BRICD5: variants seen among roughly 807,000 people sequenced by gnomAD.
The protein encoded by BRICD5 is BRICHOS domain containing 5.
BRICD5 carries 51 observed loss-of-function variants against 28.4 expected under a neutral mutation model. That is an observed-to-expected ratio of 1.80 (90% CI 1.43 to 2.27). The LOEUF (loss-of-function observed/expected upper bound fraction) is 2.27. BRICD5 is among the 30% of genes most tolerant of loss of function. The pLI, the probability that BRICD5 is intolerant of heterozygous loss-of-function variation, is 0.00. For synonymous variants in BRICD5, 177 were observed against 130.2 expected, an observed-to-expected ratio of 1.36 and a Z score of -2.44; for missense variants, 456 against 309.6, an observed-to-expected ratio of 1.47 and a Z score of -3.55.
intron 2 of BRICD5, 109 bp from the exon 3 acceptor site, chr16:2,210,390 G>C: frequency 6.5e-7 from 1 of 1,533,112 alleles, no homozygotes; most frequent in Non-Finnish European, 8.8e-7. Flanking sequence ...TCCACCCCTT[G>C]GTCCTCTGGC....
rs762967847 is a variant in BRICD5 at position 2,210,066 on chromosome 16, G to A, written c.337-15C>T. 3 of 1,600,340 alleles carry A rather than the reference G, an allele frequency of 1.9e-6. No individual in the cohort carries two copies. Among genetic ancestry groups the A allele is most frequent in the Non-Finnish European group, 1.7e-6 (2 of 1,173,656 alleles). ...CAGATGCAGCCCTGGGGAGGCAGGG[G>A]GGTGAGGCGGGGCCCCCCAGACCGA... On this transcript the variant is annotated splice_polypyrimidine_tract_variant and intron_variant, in intron 3 of 5. Coordinates refer to ENST00000328540, the MANE Select transcript of BRICD5 (RefSeq NM_182563.4).
At position 2,209,669 on chromosome 16, in the gene BRICD5, T is replaced by A; in HGVS notation, c.476A>T (p.His159Leu). ...EAWVPSQDTH[H>L]TQELLAVQGS... ...CTGCACTGCCAGCAGCTCCTGGGTG[T>A]GGTGGGTGTCCTGGCTGGGGACCCA... Residue 159 changes from histidine to leucine, a missense_variant, in exon 5 of 6, where the codon CAC (histidine) becomes CTC (leucine). His to Leu is a moderately conservative substitution (Grantham distance 99). Transcript: ENST00000328540. The A allele has an allele frequency of 6.2e-7, 1 of 1,613,080 alleles. No individual in the cohort carries two copies. Among genetic ancestry groups the A allele is most frequent in the Non-Finnish European group, 8.5e-7 (1 of 1,179,672 alleles).
In BRICD5 at chr16:2,209,338, G is replaced by A; in HGVS notation, c.*24C>T. 2 of 1,599,198 alleles carry A rather than the reference G, an allele frequency of 1.3e-6. No homozygotes were observed. Among genetic ancestry groups the A allele is most frequent in the South Asian group, 2.2e-5 (2 of 90,014 alleles). On this transcript the variant is annotated 3_prime_UTR_variant, in exon 6 of 6. Coordinates refer to ENST00000328540, the MANE Select transcript of BRICD5 (RefSeq NM_182563.4). ...GGCCAGCCCACTGGATTGGGGACGG[G>A]CCAGGCTGGGCCAGGTCGGGGGCTC...
In BRICD5 at chr16:2,209,925, G is replaced by T. The variant is rs749724530; in HGVS notation, c.438+25C>A. On this transcript the variant is annotated intron_variant, in intron 4 of 5. Coordinates refer to ENST00000328540, the MANE Select transcript of BRICD5 (RefSeq NM_182563.4). ...ACCCTTTGTCTAGCCCCTGGCCCGG[G>T]CCTGCGCCCAGCAGGACGGCTCACC... 4.0e-6 allele frequency: 6 copies of T among 1,494,190 alleles called. No individual in the cohort carries two copies. In the Middle Eastern group the frequency reaches 7.3e-4, roughly 182 times the overall value. 92.6% of individuals were successfully genotyped at this position (1,494,190 alleles called of 1,614,324 possible).
chr16:2,209,845 T>G, intron 4 of BRICD5, 105 bp downstream of exon 4: 1 of 1,385,946 alleles, frequency 7.2e-7, no homozygotes, highest in South Asian at 1.4e-5. Flanking sequence ...CGGAGAGAGC[T>G]TCCTGTTCCC....
chr16:2,210,151 C>G lies in BRICD5; in HGVS notation c.311G>C (p.Trp104Ser), dbSNP rs542599330. The change falls in exon 3 of 6, where the codon TGG becomes TCG. Residue 104 changes from tryptophan (W) to serine (S), a missense_variant. Physicochemically the swap from Trp to Ser is radical, Grantham distance 177. Transcript: ENST00000328540. ...GCTCTGCCCGTCGAACAGCACCGCC[C>G]AGCTGTGGTTGCTCTGAGGTGGGGT... ...TVTPPQSNHSWAVLFDGQSGC... is the reference protein window; with the variant it reads ...TVTPPQSNHSSAVLFDGQSGC... 7.1e-5 allele frequency: 115 copies of G among 1,609,056 alleles called. 1 individual carries two copies. The highest frequency in any genetic ancestry group is 9.0e-5 in the Non-Finnish European group (106 of 1,178,734).
chr16:2,209,838 A>T, intron 4 of BRICD5, 112 bp downstream of exon 4: 1 of 1,386,654 alleles, frequency 7.2e-7, no homozygotes, highest in Non-Finnish European at 9.7e-7. Flanking sequence ...CTTAGGGCGG[A>T]GAGAGCTTCC....
Position 2,210,625 on chromosome 16 carries a change from C to A in BRICD5, c.77G>T (p.Gly26Val). 1 of 1,611,832 alleles carries A rather than the reference C, an allele frequency of 6.2e-7. No individual in the cohort carries two copies. Among genetic ancestry groups the A allele is most frequent in the Non-Finnish European group, 8.5e-7 (1 of 1,179,180 alleles). Reference sequence around the variant, plus strand: ...CAGGAGCAGGCTCACGGCTCTCCAGCCCCCGCAGGAGGGCTTGGTCTTCAC... The same window carrying A: ...CAGGAGCAGGCTCACGGCTCTCCAGACCCCGCAGGAGGGCTTGGTCTTCAC... ...TGVKTKPSCG[G>V]WRAVSLLLLL... The change falls in exon 2 of 6, where the codon GGC becomes GTC. Residue 26 changes from glycine (G) to valine (V), a missense_variant. Physicochemically the swap from Gly to Val is moderately radical, Grantham distance 109. Coordinates refer to ENST00000328540, the MANE Select transcript of BRICD5 (RefSeq NM_182563.4).
Position 2,210,807 on chromosome 16 carries a change from C to G in BRICD5, c.27G>C (p.Glu9Asp), listed in dbSNP as rs1567286095. 6.2e-7 allele frequency: 1 copy of G among 1,604,660 alleles called. No homozygotes were observed. Among genetic ancestry groups the G allele is most frequent in the Non-Finnish European group, 8.5e-7 (1 of 1,179,938 alleles). ...CCCCTGTAGGCCCAGGTTTGGGGCG[C>G]TCAGCACAGCAGCTTGCTGGTTCCA... MEPASCCA[E>D]RPKPGPTGVK... is the part of the protein sequence containing the mutation. Residue 9 changes from glutamate (E) to aspartate (D), a missense_variant, in exon 1 of 6, where the codon GAG becomes GAC. Glu to Asp is a conservative substitution (Grantham distance 45). Coordinates refer to ENST00000328540, the MANE Select transcript of BRICD5 (RefSeq NM_182563.4).
Position 2,209,318 on chromosome 16 carries a change from G to T in BRICD5, c.*44C>A. 1 of 1,568,942 alleles carries T rather than the reference G, an allele frequency of 6.4e-7. No individual in the cohort carries two copies. The highest frequency in any genetic ancestry group is 8.7e-7 in the Non-Finnish European group (1 of 1,145,100). On this transcript the variant is annotated 3_prime_UTR_variant, in exon 6 of 6. Transcript: ENST00000328540. ...CTCCCTGGTGCAGGTGGCCTGGCCA[G>T]CCCACTGGATTGGGGACGGGCCAGG...
At chr16:2,210,719 G>C (rs2141399658) in intron 1 of BRICD5, 64 bp downstream of exon 1, 2 of 1,609,970 alleles carry the variant, frequency 1.2e-6, no homozygotes, top group South Asian at 1.1e-5. Flanking sequence ...CTGGGGAAGG[G>C]AGGGGCTGGG....
Position 2,210,506 on chromosome 16 carries a change from C to T in BRICD5, c.180+16G>A, listed in dbSNP as rs371069540. On this transcript the variant is annotated intron_variant, in intron 2 of 5. Transcript: ENST00000328540. ...CTTTCCACTGTCCATGTCCCTGGTG[C>T]TGAGGAGGGGCTCACCTTGGGAGGG... The T allele has an allele frequency of 5.6e-5, 90 of 1,593,986 alleles. No homozygotes were observed. The highest frequency in any genetic ancestry group is 6.7e-5 in the Non-Finnish European group (78 of 1,169,382).
chr16:2,209,575 G>A lies in BRICD5; in HGVS notation c.570C>T (p.Ile190=), dbSNP rs1281174880. 6.2e-7 allele frequency: 1 copy of A among 1,612,140 alleles called. No individual in the cohort carries two copies. Among genetic ancestry groups the A allele is most frequent in the Admixed American group, 1.7e-5 (1 of 60,036 alleles). ...CACCCTCTGCTCGCCGGGCCCAGTA[G>A]ATGGGGGTCCTCATGCACAGGCGCT... is the stretch of plus-strand genomic sequence containing the variant. ...LVQRLCMRTP[I]YWARRAEGPR... The change falls in exon 5 of 6, where the codon ATC becomes ATT. Residue 190 remains isoleucine, a synonymous_variant. Coordinates refer to ENST00000328540, the MANE Select transcript of BRICD5 (RefSeq NM_182563.4).
intron 1 of BRICD5, 28 bp from the exon 2 acceptor site, chr16:2,210,678 C>A: frequency 6.2e-7 from 1 of 1,610,686 alleles, no homozygotes; most frequent in Non-Finnish European, 8.5e-7. Context: ...TCAGAAGGGT[C>A]ATGAGGGTTA....
rs758240015 is a variant in BRICD5, at chr16:2,210,237, C to T, written c.225G>A (p.Met75Ile). 3 of 1,561,462 alleles carry T rather than the reference C, an allele frequency of 1.9e-6. No homozygotes were observed. Among genetic ancestry groups the T allele is most frequent in the Non-Finnish European group, 2.6e-6 (3 of 1,156,188 alleles). Residue 75 changes from methionine to isoleucine, a missense_variant, in exon 3 of 6, where the codon ATG becomes ATA. Physicochemically the swap from Met to Ile is conservative, Grantham distance 10 (BLOSUM62 1). Transcript: ENST00000328540. ...TLRMTLPSPHMPRPNQTILVD... is the reference protein window; with the variant it reads ...TLRMTLPSPHIPRPNQTILVD... ...CCAGGATGGTTTGGTTGGGCCGGGG[C>T]ATGTGGGGGCTCGGGAGGGTCATTC...
At position 2,209,582 on chromosome 16, in the gene BRICD5, G is replaced by T. The variant is rs763709751; in HGVS notation, c.563C>A (p.Thr188Asn). 1.9e-6 allele frequency: 3 copies of T among 1,612,070 alleles called. No individual in the cohort carries two copies. Among genetic ancestry groups the T allele is most frequent in the Non-Finnish European group, 1.7e-6 (2 of 1,179,990 alleles). The change falls in exon 5 of 6, where the codon ACC becomes AAC. Residue 188 changes from threonine (T) to asparagine (N), a missense_variant. Physicochemically the swap from Thr to Asn is moderately conservative, Grantham distance 65 (BLOSUM62 0). Coordinates refer to ENST00000328540, the MANE Select transcript of BRICD5 (RefSeq NM_182563.4). Reference protein sequence around the residue: ...GALVQRLCMRTPIYWARRAEG... With the variant: ...GALVQRLCMRNPIYWARRAEG... ...TGCTCGCCGGGCCCAGTAGATGGGG[G>T]TCCTCATGCACAGGCGCTGCACCAA... is the stretch of plus-strand genomic sequence containing the variant.
In BRICD5 at chr16:2,209,707, C is replaced by G. The variant is rs2093364061; in HGVS notation, c.439-1G>C. The G allele has an allele frequency of 4.4e-6, 7 of 1,607,624 alleles. No homozygotes were observed. The highest frequency in any genetic ancestry group is 5.9e-6 in the Non-Finnish European group (7 of 1,176,532). ...GGCTGGGGACCCAAGCCTCTTGGACCTGTTGAGAAGGCTCTGGTGGGCGGT... is the reference window on the plus strand; with the variant it reads ...GGCTGGGGACCCAAGCCTCTTGGACGTGTTGAGAAGGCTCTGGTGGGCGGT... On this transcript the variant is annotated splice_acceptor_variant, in intron 4 of 5. Coordinates refer to ENST00000328540, the MANE Select transcript of BRICD5 (RefSeq NM_182563.4). LOFTEE classifies it high-confidence loss of function.
intron 2 of BRICD5, 113 bp downstream of exon 2, chr16:2,210,409 C>T (rs1221245657): frequency 1.8e-5 from 28 of 1,534,866 alleles, no homozygotes; most frequent in Middle Eastern, 1.8e-4. Context: ...GCTGTCTGCT[C>T]CTAGGTGGTG....
Position 2,210,035 on chromosome 16 carries a change from C to A in BRICD5, c.353G>T (p.Arg118Leu). The part of the protein sequence containing the change: ...FDGQSGCICY[R>L]PEEHQVCFLR... The stretch of plus-strand genomic sequence containing the variant: ...GAAGCAGACCTGGTGCTCCTCAGGG[C>A]GGTAACAGATGCAGCCCTGGGGAGG... Residue 118 changes from arginine to leucine, a missense_variant, in exon 4 of 6, where the codon CGC becomes CTC. Arg to Leu is a moderately radical substitution (Grantham distance 102). Transcript: ENST00000328540. 1.3e-6 allele frequency: 2 copies of A among 1,591,528 alleles called. No individual in the cohort carries two copies. The highest frequency in any genetic ancestry group is 8.6e-7 in the Non-Finnish European group (1 of 1,166,730).
Sources: allele counts gnomAD v4.1 joint callset, GRCh38; gene constraint gnomAD v4.1.1; transcripts MANE v1.5; gene names NCBI Gene and HGNC (gene_info 2026-07-23, HGNC 2026-07-21).